The following RASAL2 variants were observed in gnomAD, a reference collection of about 807,000 sequenced individuals.
RASAL2 encodes the protein ras GTPase-activating protein nGAP.
A neutral mutation model predicts 128.9 loss-of-function variants in RASAL2; 58 were observed. That is an observed-to-expected ratio of 0.45 (90% CI 0.36 to 0.56). The LOEUF is 0.56. Ranked by LOEUF, RASAL2 falls within the 20% of genes least tolerant of loss-of-function variation. The pLI, the probability that RASAL2 is intolerant of heterozygous loss-of-function variation, is 0.00. For synonymous variants in RASAL2, 561 were observed against 580.8 expected, an observed-to-expected ratio of 0.97 and a Z score of 0.49; for missense variants, 1,360 against 1,601.6, an observed-to-expected ratio of 0.85 and a Z score of 2.57.
rs1166991281 is a variant in RASAL2, at chr1:178,414,652, A to G, written c.565-5859A>G. Among the ~76,000 whole-genome samples, 7 of 152,130 alleles carry G rather than the reference A, an allele frequency of 4.6e-5. No homozygotes were observed. The East Asian group carries it at 7.7e-4, about 17-fold the overall frequency. ...AGTATTGTCTCTGCTTCTATCTTCT[A>G]TCTTCTGAAAGACATTGTAGAGAAT... On this transcript the variant is annotated intron_variant, in intron 4 of 17. Transcript: ENST00000367649.
At chr1:178,379,234 G>A (rs891232951) in intron 3 of RASAL2, among the ~76,000 whole-genome samples, 1 of 152,076 alleles carries the variant, frequency 6.6e-6, no homozygotes, top group Non-Finnish European at 1.5e-5. Context: ...AAGAAACAGA[G>A]GCTAGACACA....
chr1:178,423,986 T>TTC (rs1675333491), intron 5 of RASAL2, among the ~76,000 whole-genome samples: 1 of 152,174 alleles, frequency 6.6e-6, no homozygotes, highest in South Asian at 2.1e-4. Context: ...CAATTTTCCT[T>TTC]TCTCTGATAT....
chr1:178,142,215 G>A (rs1217310569), intron 1 of RASAL2, among the ~76,000 whole-genome samples: 7 of 152,076 alleles, frequency 4.6e-5, no homozygotes, highest in Admixed American at 3.3e-4. Context: ...ACTCGAGTGC[G>A]ATGTATCCAA....
intron 3 of RASAL2, among the ~76,000 whole-genome samples, chr1:178,304,627 C>G (rs1175296678): frequency 6.6e-6 from 1 of 152,146 alleles, no homozygotes; most frequent in Non-Finnish European, 1.5e-5. Context: ...AGAAGCCCTA[C>G]TGAAATGAGT....
At chr1:178,369,581 T>C (rs1237509001) in intron 3 of RASAL2, among the ~76,000 whole-genome samples, 5 of 152,080 alleles carry the variant, frequency 3.3e-5, no homozygotes, top group African/African-American at 1.2e-4. Context: ...GGCTGGATTA[T>C]TTTGATGACC....
At chr1:178,228,990 T>C (rs924682346) in intron 1 of RASAL2, among the ~76,000 whole-genome samples, 2 of 152,236 alleles carry the variant, frequency 1.3e-5, no homozygotes, top group Non-Finnish European at 2.9e-5. Context: ...TATTTTAATG[T>C]GATTTCAAAC....
At chr1:178,181,057 T>C (rs1052315574) in intron 1 of RASAL2, among the ~76,000 whole-genome samples, 2 of 152,210 alleles carry the variant, frequency 1.3e-5, no homozygotes, top group African/African-American at 4.8e-5. Context: ...ATGATATTGA[T>C]ACTTTGTAGC....
chr1:178,143,505 A>G (rs538426739), intron 1 of RASAL2, among the ~76,000 whole-genome samples: 22 of 152,246 alleles, frequency 1.4e-4, no homozygotes, highest in Middle Eastern at 3.4e-3. Context: ...ATATGAATTT[A>G]TATGGAAAGA....
intron 1 of RASAL2, among the ~76,000 whole-genome samples, chr1:178,147,753 A>G (rs1402895918): frequency 6.6e-6 from 1 of 152,042 alleles, no homozygotes; most frequent in Non-Finnish European, 1.5e-5. Context: ...GTGGATTTCA[A>G]TTTCCAGCTT....
intron 1 of RASAL2, among the ~76,000 whole-genome samples, chr1:178,186,811 T>C (rs142040778): frequency 8.9e-4 from 136 of 152,260 alleles, no homozygotes; most frequent in African/African-American, 2.7e-3. Flanking sequence ...TCTTCCTTTT[T>C]CTTTTTTCTT....
At chr1:178,239,394 G>A (rs1664395118) in intron 1 of RASAL2, among the ~76,000 whole-genome samples, 1 of 151,984 alleles carries the variant, frequency 6.6e-6, no homozygotes, top group African/African-American at 2.4e-5. Context: ...CATGCCTGTT[G>A]TATGTTTAGT....
chr1:178,250,743 T>A (rs1296015663), intron 1 of RASAL2, among the ~76,000 whole-genome samples: 1 of 152,232 alleles, frequency 6.6e-6, no homozygotes. Flanking sequence ...TTTACAACTA[T>A]GGGGACTGCA....
intron 1 of RASAL2, among the ~76,000 whole-genome samples, chr1:178,265,457 T>C (rs1398999625): frequency 1.3e-5 from 2 of 152,204 alleles, no homozygotes; most frequent in African/African-American, 4.8e-5. Context: ...TATTATTGTA[T>C]GCCAGTATGT....
chr1:178,133,951 A>G (rs1660215023), intron 1 of RASAL2, among the ~76,000 whole-genome samples: 1 of 152,180 alleles, frequency 6.6e-6, no homozygotes, highest in African/African-American at 2.4e-5. Flanking sequence ...GAATGTTGGG[A>G]AAGGAAAAAA....
chr1:178,116,095 A>G (rs1659512657), intron 1 of RASAL2, among the ~76,000 whole-genome samples: 1 of 152,220 alleles, frequency 6.6e-6, no homozygotes, highest in Non-Finnish European at 1.5e-5. Context: ...CCCAGCACAA[A>G]TAGAACTTCT....
chr1:178,324,233 C>T (rs1668923680), intron 3 of RASAL2, among the ~76,000 whole-genome samples: 1 of 152,116 alleles, frequency 6.6e-6, no homozygotes, highest in African/African-American at 2.4e-5. Context: ...TTATGTTTCT[C>T]ATCTTGCTTG....
intron 3 of RASAL2, among the ~76,000 whole-genome samples, chr1:178,377,252 G>A (rs1453192854): frequency 6.6e-6 from 1 of 152,016 alleles, no homozygotes. Context: ...CATCAAGGGA[G>A]AAACATATTC....
chr1:178,221,896 C>T (rs949687680), intron 1 of RASAL2, among the ~76,000 whole-genome samples: 1 of 152,138 alleles, frequency 6.6e-6, no homozygotes, highest in Non-Finnish European at 1.5e-5. Context: ...ATGTATTTCT[C>T]GTTGGCATCT....
chr1:178,285,045 A>AT (rs1024070890), intron 2 of RASAL2, among the ~76,000 whole-genome samples: 130 of 151,096 alleles, frequency 8.6e-4, no homozygotes, highest in African/African-American at 3.1e-3. Flanking sequence ...TGTGGTAACA[A>AT]TACTACCAAT....
Sources: allele counts gnomAD v4.1 joint callset (sites outside exome capture counted in the v4.1 genomes callset), GRCh38; gene constraint gnomAD v4.1.1; transcripts MANE v1.5; gene names NCBI Gene and HGNC (gene_info 2026-07-23, HGNC 2026-07-21).